Variants in PTPRG observed in about 807,000 individuals in gnomAD.
PTPRG encodes the protein receptor-type tyrosine-protein phosphatase gamma.
A neutral mutation model predicts 165.3 loss-of-function variants in PTPRG; 102 were observed. That is an observed-to-expected ratio of 0.62 (90% CI 0.53 to 0.73). The LOEUF is 0.73. Ranked by LOEUF, PTPRG falls within the 30% of genes least tolerant of loss-of-function variation. The pLI is 0.00. For missense variants in PTPRG, 1,866 were observed against 1,861.4 expected, an observed-to-expected ratio of 1.00 and a Z score of -0.05; for synonymous variants, 675 against 669.5, an observed-to-expected ratio of 1.01 and a Z score of -0.13.
chr3:61,823,362 T>C (rs1275923451), intron 2 of PTPRG, among the ~76,000 whole-genome samples: 3 of 152,208 alleles, frequency 2.0e-5, no homozygotes, highest in African/African-American at 7.2e-5. Context: ...AGCTAATTTT[T>C]GTATTTTTAG....
chr3:61,682,410 A>AT, intron 1 of PTPRG, among the ~76,000 whole-genome samples: 1 of 152,224 alleles, frequency 6.6e-6, no homozygotes. Flanking sequence ...TATATAGCAG[A>AT]TGCTGTTAAA....
At chr3:61,997,415 G>C (rs2041065460) in intron 3 of PTPRG, among the ~76,000 whole-genome samples, 1 of 152,166 alleles carries the variant, frequency 6.6e-6, no homozygotes, top group African/African-American at 2.4e-5. Context: ...CTCATGCTCT[G>C]TCCTCGTGTC....
At chr3:61,742,400 G>T in intron 1 of PTPRG, 1 of 909,314 alleles carries the variant, frequency 1.1e-6, no homozygotes, top group Admixed American at 2.9e-5. Context: ...CTTTGGGTCT[G>T]GAATTTTTTT....
intron 1 of PTPRG, among the ~76,000 whole-genome samples, chr3:61,728,267 G>A (rs2032343237): frequency 6.6e-6 from 1 of 152,158 alleles, no homozygotes; most frequent in Non-Finnish European, 1.5e-5. Flanking sequence ...AAAGGATACT[G>A]TGAGGAGTAA....
intron 5 of PTPRG, among the ~76,000 whole-genome samples, chr3:62,124,039 A>G (rs967872598): frequency 2.0e-5 from 3 of 152,194 alleles, no homozygotes; most frequent in African/African-American, 7.2e-5. Flanking sequence ...CACCCTGGGA[A>G]GATGATCATT....
intron 2 of PTPRG, among the ~76,000 whole-genome samples, chr3:61,843,373 CACAT>C (rs1361062318): frequency 6.6e-6 from 1 of 152,036 alleles, no homozygotes; most frequent in Non-Finnish European, 1.5e-5. Flanking sequence ...GTATATCACA[CACAT>C]ACATACACAC....
chr3:62,212,452 C>T, intron 12 of PTPRG, among the ~76,000 whole-genome samples: 1 of 152,204 alleles, frequency 6.6e-6, no homozygotes, highest in South Asian at 2.1e-4. Flanking sequence ...AGCCTCTTCT[C>T]TTGAGCCAGG....
chr3:61,634,535 G>A (rs1575553130), intron 1 of PTPRG, among the ~76,000 whole-genome samples: 1 of 151,978 alleles, frequency 6.6e-6, no homozygotes, highest in Non-Finnish European at 1.5e-5. Context: ...CACCGTGCCC[G>A]GCTGTGTGTG....
Position 61,589,594 on chromosome 3 carries a change from C to G in PTPRG, c.85+27222C>G, listed in dbSNP as rs184306228. ...TGGTTGTTGGTGACTCAAAGTCATT[C>G]TGAACTTTCAGAATTCAGGTGGTTG... On this transcript the variant is annotated intron_variant, in intron 1 of 29. Coordinates refer to ENST00000474889, the MANE Select transcript of PTPRG (RefSeq NM_002841.4). 3.3e-5 allele frequency among the ~76,000 whole-genome samples: 5 copies of G among 152,228 alleles called. No individual in the cohort carries two copies. The East Asian group carries it at 9.7e-4, about 29-fold the overall frequency.
chr3:61,763,427 G>A (rs1312559789), intron 2 of PTPRG, among the ~76,000 whole-genome samples: 1 of 151,920 alleles, frequency 6.6e-6, no homozygotes, highest in South Asian at 2.1e-4. Flanking sequence ...TAGTAGAGAC[G>A]GGTTTCACTG....
intron 2 of PTPRG, among the ~76,000 whole-genome samples, chr3:61,876,252 C>A (rs1306516672): frequency 6.6e-6 from 1 of 152,118 alleles, no homozygotes; most frequent in African/African-American, 2.4e-5. Context: ...TCATGAGAGA[C>A]AGGAGACTGA....
intron 2 of PTPRG, among the ~76,000 whole-genome samples, chr3:61,905,428 T>C (rs186896110): frequency 2.6e-5 from 4 of 152,310 alleles, no homozygotes; most frequent in Admixed American, 2.6e-4. Context: ...CTTCCATCTT[T>C]TGACACTATC....
intron 4 of PTPRG, among the ~76,000 whole-genome samples, chr3:62,057,541 G>T (rs17065829): frequency 4.6e-5 from 7 of 152,092 alleles, no homozygotes; most frequent in African/African-American, 9.7e-5. Flanking sequence ...CCAGTAATGT[G>T]GTTGTGTACA....
Position 62,273,372 on chromosome 3 carries a change from G to A in PTPRG, c.3318+291G>A, listed in dbSNP as rs1702136831. 6.6e-6 allele frequency among the ~76,000 whole-genome samples: 1 copy of A among 152,160 alleles called. No homozygotes were observed. Among genetic ancestry groups the A allele is most frequent in the Non-Finnish European group, 1.5e-5 (1 of 68,022 alleles). ...GGGAGTTAAACATGTTGTCTGGCCTGAGAAATACATAGGAGAGGATGGTTC... is the reference window on the plus strand; with the variant it reads ...GGGAGTTAAACATGTTGTCTGGCCTAAGAAATACATAGGAGAGGATGGTTC... On this transcript the variant is annotated intron_variant, in intron 22 of 29. Coordinates refer to ENST00000474889, the MANE Select transcript of PTPRG (RefSeq NM_002841.4). This position sits in a 1 kb window ranked among gnomAD's most constrained non-coding sequence, Gnocchi z 4.1.
At chr3:62,107,020 A>T (rs560424162) in intron 5 of PTPRG, among the ~76,000 whole-genome samples, 1 of 152,358 alleles carries the variant, frequency 6.6e-6, no homozygotes, top group Non-Finnish European at 1.5e-5. Context: ...TCTCAGCATT[A>T]AGAACTTGAT....
intron 12 of PTPRG, among the ~76,000 whole-genome samples, chr3:62,207,261 TTGCAGAAACAGGCGA>T (rs1474681192): frequency 6.6e-6 from 1 of 152,240 alleles, no homozygotes; most frequent in African/African-American, 2.4e-5. Context: ...AAAACTTTGT[TTGCAGAAACAGGCGA>T]TGGGTCTGAT....
chr3:61,985,356 G>A (rs919421332), intron 2 of PTPRG, among the ~76,000 whole-genome samples: 2 of 152,294 alleles, frequency 1.3e-5, no homozygotes, highest in South Asian at 4.1e-4. Flanking sequence ...TAGCCGTTGG[G>A]TGGGCTACAT....
chr3:62,224,519 A>T lies in PTPRG; in HGVS notation c.2288+5536A>T, dbSNP rs1246750845. Reference sequence around the variant, plus strand: ...TGGTCACACAGCCCCAAGGACACAGATGAGGTAGGGGGAACACGTGGGTAT... The same window carrying T: ...TGGTCACACAGCCCCAAGGACACAGTTGAGGTAGGGGGAACACGTGGGTAT... On this transcript the variant is annotated intron_variant, in intron 13 of 29. Transcript: ENST00000474889. This position sits in a 1 kb window ranked among gnomAD's most constrained non-coding sequence, Gnocchi z 4.9. 6.6e-6 allele frequency among the ~76,000 whole-genome samples: 1 copy of T among 152,194 alleles called. No homozygotes were observed.
intron 4 of PTPRG, among the ~76,000 whole-genome samples, chr3:62,022,876 A>C (rs2041729637): frequency 1.3e-5 from 2 of 152,184 alleles, no homozygotes; most frequent in Admixed American, 1.3e-4. Context: ...CTAAATAAAA[A>C]TTGGTAATTG....
Sources: gnomAD v4.1 joint callset for allele counts (sites outside exome capture counted in the v4.1 genomes callset) on GRCh38, gnomAD v4.1.1 for gene constraint, Gnocchi (gnomAD v3.1) non-coding constraint, MANE v1.5 for transcripts, NCBI Gene and HGNC (gene_info 2026-07-23, HGNC 2026-07-21) for gene names.